The following DEPDC5 variants were observed in gnomAD, a reference collection of about 807,000 sequenced individuals.
The protein encoded by DEPDC5 is GATOR1 complex protein DEPDC5.
DEPDC5 carries 73 observed loss-of-function variants against 217.3 expected under a neutral mutation model. That is an observed-to-expected ratio of 0.34 (90% confidence interval 0.28 to 0.41). The LOEUF (loss-of-function observed/expected upper bound fraction) is 0.41. Ranked by LOEUF, DEPDC5 falls within the 10% of genes least tolerant of loss-of-function variation. The pLI is 1.00. For missense variants in DEPDC5, 1,675 were observed against 2,070.1 expected (o/e 0.81, Z 3.70); for synonymous variants, 733 against 756.7 (o/e 0.97, Z 0.51).
intron 38 of DEPDC5, among the ~76,000 whole-genome samples, chr22:31,884,677 A>G (rs1664078572): frequency 6.6e-6 from 1 of 152,038 alleles, no homozygotes; most frequent in African/African-American, 2.4e-5. Context: ...AGTGGCCTTT[A>G]TTACCCCAAG....
chr22:31,874,083 A>C, intron 35 of DEPDC5, 190 bp from the exon 36 acceptor site: 1 of 891,800 alleles, frequency 1.1e-6, no homozygotes. Flanking sequence ...GTGAGCGACC[A>C]CGCTGGGCCC....
intron 37 of DEPDC5, among the ~76,000 whole-genome samples, chr22:31,876,817 G>T (rs982858396): frequency 6.6e-6 from 1 of 151,998 alleles, no homozygotes; most frequent in Admixed American, 6.5e-5. Context: ...CTTTTTTAGC[G>T]TGGTCAGAGC....
intron 24 of DEPDC5, among the ~76,000 whole-genome samples, chr22:31,830,779 C>T (rs1403070937): frequency 4.0e-5 from 6 of 149,480 alleles, no homozygotes; most frequent in Admixed American, 1.3e-4. Flanking sequence ...TTTTTTTGAA[C>T]TCTTTATTAG....
At chr22:31,789,659 A>T (rs1000367237) in intron 10 of DEPDC5, among the ~76,000 whole-genome samples, 4 of 152,252 alleles carry the variant, frequency 2.6e-5, no homozygotes, top group African/African-American at 9.6e-5. Flanking sequence ...CCTTGATTTC[A>T]CATGAAAACA....
chr22:31,798,833 A>G (rs1775795678), intron 14 of DEPDC5, among the ~76,000 whole-genome samples, 177 bp downstream of exon 14: 1 of 152,222 alleles, frequency 6.6e-6, no homozygotes, highest in African/African-American at 2.4e-5. Context: ...AAGGAATAAA[A>G]GAATAGCTAC....
intron 27 of DEPDC5, 59 bp from the exon 28 acceptor site, chr22:31,843,036 A>G: frequency 3.1e-6 from 4 of 1,289,816 alleles, no homozygotes. Context: ...ATGAGAAACA[A>G]TTGTCTGTTA....
chr22:31,905,043 C>T (rs1450950780), intron 41 of DEPDC5, among the ~76,000 whole-genome samples: 1 of 152,080 alleles, frequency 6.6e-6, no homozygotes, highest in Non-Finnish European at 1.5e-5. Context: ...ACGTCCTTTA[C>T]AGCTCTTAGC....
In DEPDC5 at chr22:31,836,976, G is replaced by A. The variant is rs769262474; in HGVS notation, c.2175G>A (p.Leu725=). 2.5e-6 allele frequency: 4 copies of A among 1,610,274 alleles called. No individual in the cohort carries two copies. The highest frequency in any genetic ancestry group is 3.4e-6 in the Non-Finnish European group (4 of 1,178,682). ...TCCCCCTGTTACGTGAGGCAGTTCT[G>A]ACACTGTCTGCTCCCCCTGTAGTGC... ...DSVSTSPDPI[L]TLSAPPVVPG... The change falls in exon 26 of 43, where the codon CTG becomes CTA. Residue 725 remains leucine, a synonymous_variant. Coordinates refer to ENST00000651528, the MANE Select transcript of DEPDC5 (RefSeq NM_001242896.3).
chr22:31,857,693 C>A, intron 32 of DEPDC5, 140 bp downstream of exon 32: 1 of 594,756 alleles, frequency 1.7e-6, no homozygotes, highest in Non-Finnish European at 2.9e-6. Flanking sequence ...TTTAAAGGTT[C>A]TATTACTGTT....
chr22:31,777,199 A>T (rs1199800566), intron 7 of DEPDC5, among the ~76,000 whole-genome samples: 2 of 148,456 alleles, frequency 1.3e-5, no homozygotes, highest in African/African-American at 5.0e-5. Context: ...ACCTCAGGTG[A>T]TTCACCCGCC....
chr22:31,895,143 CAAAAAAA>C (rs56247667), intron 39 of DEPDC5, among the ~76,000 whole-genome samples: 8 of 57,608 alleles, frequency 1.4e-4, no homozygotes, highest in East Asian at 6.2e-4. Flanking sequence ...GAATCCGTCT[CAAAAAAA>C]AAAAAAAAAA....
chr22:31,805,913 T>A (rs2087474018), intron 17 of DEPDC5, among the ~76,000 whole-genome samples: 1 of 152,160 alleles, frequency 6.6e-6, no homozygotes, highest in South Asian at 2.1e-4. Context: ...TTTTGGTCAG[T>A]GTAGCCAGAC....
chr22:31,809,496 C>A, intron 18 of DEPDC5, 115 bp from the exon 19 acceptor site: 1 of 1,118,594 alleles, frequency 8.9e-7, no homozygotes, highest in Non-Finnish European at 1.3e-6. Context: ...TTAGCTCCTG[C>A]CTTTCTGTCA....
intron 14 of DEPDC5, among the ~76,000 whole-genome samples, chr22:31,799,106 C>G (rs999617413): frequency 6.7e-6 from 1 of 148,256 alleles, no homozygotes; most frequent in Non-Finnish European, 1.5e-5. Flanking sequence ...TGCAGTGATG[C>G]GATCTTGGCT....
At chr22:31,884,217 C>T (rs375828384) in intron 38 of DEPDC5, among the ~76,000 whole-genome samples, 1 of 152,210 alleles carries the variant, frequency 6.6e-6, no homozygotes, top group South Asian at 2.1e-4. Flanking sequence ...CTGCCTCCCC[C>T]TGATGCAGCA....
chr22:31,789,442 T>C (rs2085385683), intron 10 of DEPDC5, among the ~76,000 whole-genome samples: 1 of 152,150 alleles, frequency 6.6e-6, no homozygotes, highest in African/African-American at 2.4e-5. Context: ...TAGGTAAATA[T>C]ATAATATAGA....
rs2093575324 is a variant in DEPDC5, at chr22:31,897,551, G to A, written c.4273G>A (p.Ala1425Thr). The A allele has an allele frequency of 6.2e-7, 1 of 1,614,130 alleles. No individual in the cohort carries two copies. The highest frequency in any genetic ancestry group is 2.2e-5 in the East Asian group (1 of 44,882). ...LLVPVLEGPFALPSYLYGDPL... is the reference protein window; with the variant it reads ...LLVPVLEGPFTLPSYLYGDPL... The stretch of plus-strand genomic sequence containing the variant: ...AGTCCCAGTTTTGGAGGGGCCTTTT[G>A]CACTGCCCAGTTACCTGTATGGCGA... The change falls in exon 40 of 43, where the codon GCA becomes ACA. Residue 1425 changes from alanine (A) to threonine (T), a missense_variant. Ala to Thr is a moderately conservative substitution (Grantham distance 58). This residue lies in a region of DEPDC5 where 182 missense variants were observed against 290.1 expected (regional missense o/e 0.63). Transcript: ENST00000651528.
intron 10 of DEPDC5, among the ~76,000 whole-genome samples, chr22:31,791,563 G>A (rs12165705): frequency 0.14 from 21,425 of 149,276 alleles, 2,161 homozygotes; most frequent in African/African-American, 0.29. Flanking sequence ...CTGGGAGGTG[G>A]AGGCTGCAAT....
chr22:31,887,411 C>T (rs1472594370), intron 38 of DEPDC5, among the ~76,000 whole-genome samples: 4 of 87,638 alleles, frequency 4.6e-5, no homozygotes, highest in Non-Finnish European at 9.3e-5. Flanking sequence ...AAAAGCGAAA[C>T]TCTGTCTCAA....
Sources: allele counts gnomAD v4.1 joint callset (sites outside exome capture counted in the v4.1 genomes callset), GRCh38; gene constraint gnomAD v4.1.1; regional missense constraint gnomAD v4.1.1; transcripts MANE v1.5; gene names NCBI Gene and HGNC (gene_info 2026-07-23, HGNC 2026-07-21).